Variants in SFMBT2 observed in about 807,000 individuals in gnomAD.
The protein encoded by SFMBT2 is Scm like with four mbt domains 2.
Under a neutral mutation model 110.1 loss-of-function variants are expected in SFMBT2, and 38 were observed. That is an observed-to-expected ratio of 0.35 (90% CI 0.27 to 0.45). The LOEUF is 0.45. Ranked by LOEUF, SFMBT2 falls within the 20% of genes least tolerant of loss-of-function variation. SFMBT2 has a pLI of 1.00. For missense variants in SFMBT2, 1,011 were observed against 1,094.9 expected, an observed-to-expected ratio of 0.92 and a Z score of 1.08; for synonymous variants, 425 against 425.4, an observed-to-expected ratio of 1.00 and a Z score of 0.01.
At chr10:7,342,640 G>A (rs970234532) in intron 4 of SFMBT2, among the ~76,000 whole-genome samples, 14 of 151,912 alleles carry the variant, frequency 9.2e-5, no homozygotes, top group African/African-American at 9.6e-5. Context: ...TTTGTGATCC[G>A]CCCGCCTCTG....
rs1233908442 is a variant in SFMBT2 at position 7,228,780 on chromosome 10, CT to C, written c.1121-844del. On this transcript the variant is annotated intron_variant, in intron 9 of 20. Coordinates refer to ENST00000397167, the MANE Select transcript of SFMBT2 (RefSeq NM_001387889.1). ...TCTCTCTCTCTCTCTCTCTCTCTCT[CT>C]CCCCCTCCCTCTCTCTCTCTCTTTC... is the stretch of plus-strand genomic sequence containing the variant. Among the ~76,000 whole-genome samples, 1,020 of 108,234 alleles carry C rather than the reference CT, an allele frequency of 9.4e-3. 36 individuals carry two copies. The highest frequency in any genetic ancestry group is 0.015 in the Non-Finnish European group (682 of 45,032). The allele number at this position is 108,234 out of a possible 152,430, so 71.0% of individuals were successfully genotyped here. A position where few individuals can be genotyped will look rare whatever the true frequency, so the allele number is the denominator to read the frequency against.
At chr10:7,332,844 A>C (rs1435684415) in intron 4 of SFMBT2, among the ~76,000 whole-genome samples, 1 of 152,164 alleles carries the variant, frequency 6.6e-6, no homozygotes, top group Non-Finnish European at 1.5e-5. Flanking sequence ...GAAATTACAC[A>C]GTGAGTCTAA....
At chr10:7,348,711 C>T (rs1844200175) in intron 4 of SFMBT2, among the ~76,000 whole-genome samples, 1 of 152,204 alleles carries the variant, frequency 6.6e-6, no homozygotes, top group Admixed American at 6.5e-5. Context: ...GATTTGTGTT[C>T]ATCTTCAGAA....
chr10:7,160,066 C>T lies in SFMBT2; in HGVS notation c.*3704G>A, dbSNP rs2692760. The stretch of plus-strand genomic sequence containing the variant: ...AAAGCAAACACAGGAAATAATCTTT[C>T]GAATATGATCAAATAAGGTGGGAGA... On this transcript the variant is annotated 3_prime_UTR_variant, in exon 21 of 21. Coordinates refer to ENST00000397167, the MANE Select transcript of SFMBT2 (RefSeq NM_001387889.1). 0.29 allele frequency: 43,500 copies of T among 152,014 alleles called. 6,961 individuals are homozygous for T. The highest frequency in any genetic ancestry group is 0.47 in the South Asian group (2,270 of 4,822). The allele number at this position is 152,014 out of a possible 1,614,324, so 9.4% of individuals were successfully genotyped here.
At chr10:7,291,626 T>C (rs1272327146) in intron 4 of SFMBT2, among the ~76,000 whole-genome samples, 2 of 152,148 alleles carry the variant, frequency 1.3e-5, no homozygotes, top group South Asian at 2.1e-4. Context: ...TCATGCATCA[T>C]ACTTAAATAT....
chr10:7,230,701 G>C (rs916969951), intron 9 of SFMBT2, among the ~76,000 whole-genome samples: 9 of 152,210 alleles, frequency 5.9e-5, no homozygotes, highest in African/African-American at 2.2e-4. Flanking sequence ...GGGAGGCTGA[G>C]GCAGAGGCAG....
intron 4 of SFMBT2, among the ~76,000 whole-genome samples, chr10:7,359,618 T>C (rs1362244553): frequency 6.6e-6 from 1 of 152,240 alleles, no homozygotes; most frequent in Non-Finnish European, 1.5e-5. Flanking sequence ...GGTTTTCATG[T>C]AGCGCAGAAA....
intron 7 of SFMBT2, among the ~76,000 whole-genome samples, chr10:7,268,499 A>G (rs1841465068): frequency 1.3e-5 from 2 of 152,036 alleles, no homozygotes; most frequent in South Asian, 4.1e-4. Flanking sequence ...ACTATGTCAA[A>G]GAAAGGTTTT....
At chr10:7,169,814 A>G (rs889173573) in intron 20 of SFMBT2, among the ~76,000 whole-genome samples, 4 of 152,342 alleles carry the variant, frequency 2.6e-5, no homozygotes, top group African/African-American at 7.2e-5. Flanking sequence ...CTTCCTTAGG[A>G]CACAGCATCA....
chr10:7,204,316 A>C, intron 12 of SFMBT2: 1 of 984,226 alleles, frequency 1.0e-6, no homozygotes, highest in Non-Finnish European at 1.2e-6. Context: ...TATGCAATGG[A>C]ACTGTGTTTC....
At chr10:7,310,001 C>A (rs555812085) in intron 4 of SFMBT2, among the ~76,000 whole-genome samples, 126 of 152,270 alleles carry the variant, frequency 8.3e-4, no homozygotes, top group African/African-American at 2.8e-3. Flanking sequence ...CTGTATTCTG[C>A]AGATGTTTAG....
chr10:7,313,110 T>G (rs1264692977), intron 4 of SFMBT2, among the ~76,000 whole-genome samples: 1 of 151,968 alleles, frequency 6.6e-6, no homozygotes, highest in Non-Finnish European at 1.5e-5. Context: ...CCAGAGCCTG[T>G]ACATCCCATA....
chr10:7,349,601 G>A (rs1588470362), intron 4 of SFMBT2, among the ~76,000 whole-genome samples: 1 of 151,406 alleles, frequency 6.6e-6, no homozygotes, highest in Non-Finnish European at 1.5e-5. Flanking sequence ...AGGATTACAG[G>A]TGCCCGCCAC....
chr10:7,304,046 G>A (rs1393973041), intron 4 of SFMBT2, among the ~76,000 whole-genome samples: 4 of 152,188 alleles, frequency 2.6e-5, no homozygotes, highest in African/African-American at 7.2e-5. Context: ...GGTGGGCCAC[G>A]GAGATGGGTC....
rs114171649 is a variant in SFMBT2, at chr10:7,269,657, G to T, written c.870+7235C>A. Among the ~76,000 whole-genome samples the T allele has an allele frequency of 6.3e-3, 959 of 151,610 alleles. 16 individuals carry two copies. Among genetic ancestry groups the T allele is most frequent in the African/African-American group, 0.021 (883 of 41,288 alleles). On this transcript the variant is annotated intron_variant, in intron 7 of 20. Transcript: ENST00000397167. ...AAAGAAACTAGAAAAAAGTCTGCCT[G>T]CTGAGAAACAGTGATGATCAACAGT...
chr10:7,216,721 T>C (rs1253952639), intron 11 of SFMBT2, among the ~76,000 whole-genome samples: 2 of 152,102 alleles, frequency 1.3e-5, no homozygotes, highest in Non-Finnish European at 1.5e-5. Context: ...AGGGCCTCAG[T>C]GTCAAAATTC....
At chr10:7,377,194 A>G (rs1177239464) in intron 2 of SFMBT2, among the ~76,000 whole-genome samples, 6 of 129,824 alleles carry the variant, frequency 4.6e-5, no homozygotes, top group East Asian at 4.7e-4. Context: ...AAAAAAAAAA[A>G]AGAGAAAACA....
At chr10:7,409,967 C>A (rs1387730256) in intron 1 of SFMBT2, among the ~76,000 whole-genome samples, 1 of 151,582 alleles carries the variant, frequency 6.6e-6, no homozygotes, top group Non-Finnish European at 1.5e-5. Context: ...CCAGCCCCTT[C>A]CCACCGCCCC....
chr10:7,344,238 A>T (rs1029816810), intron 4 of SFMBT2, among the ~76,000 whole-genome samples: 2 of 152,158 alleles, frequency 1.3e-5, no homozygotes, highest in African/African-American at 2.4e-5. Context: ...GTGTGGGTGG[A>T]CAACTGATAT....
Sources: allele counts gnomAD v4.1 joint callset (sites outside exome capture counted in the v4.1 genomes callset), GRCh38; gene constraint gnomAD v4.1.1; transcripts MANE v1.5; gene names NCBI Gene and HGNC (gene_info 2026-07-23, HGNC 2026-07-21).